Variants in LIPI observed in about 807,000 individuals in gnomAD.
LIPI encodes the protein lipase member I.
In LIPI, 59 loss-of-function variants were observed where a neutral mutation model predicts 50.6. That is an observed-to-expected ratio of 1.16 (90% CI 0.94 to 1.45). The LOEUF is 1.45. Ranked by LOEUF, LIPI falls within the 40% of genes most tolerant of loss-of-function variation. The probability of loss-of-function intolerance (pLI) is 0.00; values close to 1 mark genes in which losing one functional copy is unlikely to be tolerated. For synonymous variants in LIPI, 203 were observed against 178.2 expected, an observed-to-expected ratio of 1.14 and a Z score of -1.11; for missense variants, 586 against 536.3, an observed-to-expected ratio of 1.09 and a Z score of -0.92.
chr21:14,153,858 G>A (rs1053265783), intron 7 of LIPI, among the ~76,000 whole-genome samples: 1 of 151,984 alleles, frequency 6.6e-6, no homozygotes. Flanking sequence ...TGGGTCTTAC[G>A]TGAAAACATA....
chr21:14,148,412 T>G (rs1228933019), intron 8 of LIPI, among the ~76,000 whole-genome samples: 1 of 152,172 alleles, frequency 6.6e-6, no homozygotes, highest in Non-Finnish European at 1.5e-5. Flanking sequence ...AAAACATAAT[T>G]AAATGTATAC....
At chr21:14,192,723 A>C (rs1198057107) in intron 1 of LIPI, among the ~76,000 whole-genome samples, 2 of 152,196 alleles carry the variant, frequency 1.3e-5, no homozygotes, top group African/African-American at 4.8e-5. Context: ...TGAAAGAAAA[A>C]CTATCAACCT....
At chr21:14,180,291 T>G (rs2019228713) in intron 4 of LIPI, among the ~76,000 whole-genome samples, 1 of 152,174 alleles carries the variant, frequency 6.6e-6, no homozygotes, top group African/African-American at 2.4e-5. Flanking sequence ...TATTTCTGCT[T>G]TTTGCCCTTT....
At chr21:14,191,702 A>G (rs1373813861) in intron 1 of LIPI, among the ~76,000 whole-genome samples, 4 of 152,148 alleles carry the variant, frequency 2.6e-5, no homozygotes, top group East Asian at 3.9e-4. Context: ...TAGTTACATC[A>G]TAAGTGGGGT....
intron 9 of LIPI, among the ~76,000 whole-genome samples, chr21:14,136,430 A>T (rs968576666): frequency 2.6e-5 from 4 of 152,180 alleles, no homozygotes; most frequent in African/African-American, 9.7e-5. Flanking sequence ...GTAGTCTGGC[A>T]GTACTTCTTC....
chr21:14,170,446 A>G (rs998550013), intron 4 of LIPI, among the ~76,000 whole-genome samples: 7 of 152,194 alleles, frequency 4.6e-5, no homozygotes, highest in Non-Finnish European at 7.3e-5. Flanking sequence ...CTTGATGAAC[A>G]TTGATGCAAA....
chr21:14,127,545 GTTTTC>G (rs2017114348), intron 9 of LIPI, among the ~76,000 whole-genome samples: 1 of 152,056 alleles, frequency 6.6e-6, no homozygotes, highest in Admixed American at 6.5e-5. Context: ...TACTTGTTCT[GTTTTC>G]TTTTGCTCTG....
At chr21:14,152,751 G>T (rs1379490868) in intron 7 of LIPI, 67 bp from the exon 8 acceptor site, 21 of 730,766 alleles carry the variant, frequency 2.9e-5, no homozygotes, top group Non-Finnish European at 4.4e-5. Context: ...TACATATTCA[G>T]ATATATATAT....
chr21:14,196,215 T>A (rs933473787), intron 1 of LIPI, among the ~76,000 whole-genome samples: 85 of 149,448 alleles, frequency 5.7e-4, no homozygotes, highest in African/African-American at 2.1e-3. Context: ...GTCTGTGTAA[T>A]TTAATACTAC....
At chr21:14,210,497 T>C (rs1157843626) in intron 1 of LIPI, among the ~76,000 whole-genome samples, 1 of 150,044 alleles carries the variant, frequency 6.7e-6, no homozygotes, top group Non-Finnish European at 1.5e-5. Context: ...ATTACTGAAT[T>C]TTTTTCTCTT....
At chr21:14,168,458 C>T (rs1388430375) in intron 4 of LIPI, among the ~76,000 whole-genome samples, 1 of 152,116 alleles carries the variant, frequency 6.6e-6, no homozygotes, top group East Asian at 1.9e-4. Context: ...TAAGGGCAGC[C>T]AGAGAGAAAG....
At chr21:14,178,975 C>A (rs1440366711) in intron 4 of LIPI, among the ~76,000 whole-genome samples, 2 of 152,096 alleles carry the variant, frequency 1.3e-5, no homozygotes. Flanking sequence ...TAACGAGAAG[C>A]TTTCTGCAGA....
intron 9 of LIPI, among the ~76,000 whole-genome samples, chr21:14,116,910 G>A (rs2016667059): frequency 6.6e-6 from 1 of 152,178 alleles, no homozygotes; most frequent in Non-Finnish European, 1.5e-5. Flanking sequence ...AGAGGAGCTA[G>A]AGACTCCATC....
intron 6 of LIPI, among the ~76,000 whole-genome samples, chr21:14,164,249 A>AACTTATGCCTTTATGTGATTTAT (rs2018595455): frequency 6.6e-6 from 1 of 152,072 alleles, no homozygotes; most frequent in Admixed American, 6.6e-5. Context: ...CTCAAGTTCT[A>AACTTATGCCTTTATGTGATTTAT]ACTTATGCCT....
At chr21:14,131,007 G>A (rs2017271735) in intron 9 of LIPI, among the ~76,000 whole-genome samples, 1 of 152,176 alleles carries the variant, frequency 6.6e-6, no homozygotes, top group African/African-American at 2.4e-5. Context: ...CTGGAGTGCA[G>A]TGGCACGATC....
At chr21:14,157,591 G>C (rs2018317347) in intron 7 of LIPI, among the ~76,000 whole-genome samples, 1 of 151,804 alleles carries the variant, frequency 6.6e-6, no homozygotes, top group Non-Finnish European at 1.5e-5. Context: ...AAAAAGTTTT[G>C]AGGCCTGGAA....
At chr21:14,182,574 C>T (rs2019310699) in intron 3 of LIPI, among the ~76,000 whole-genome samples, 1 of 151,580 alleles carries the variant, frequency 6.6e-6, no homozygotes, top group Non-Finnish European at 1.5e-5. Flanking sequence ...CAATAACAGA[C>T]AAACAGAGAG....
chr21:14,188,949 G>A, intron 2 of LIPI, 85 bp downstream of exon 2: 1 of 1,100,864 alleles, frequency 9.1e-7, no homozygotes, highest in South Asian at 1.3e-5. Flanking sequence ...ATCACTTTGT[G>A]GTATTGAATG....
intron 8 of LIPI, among the ~76,000 whole-genome samples, chr21:14,150,877 A>T (rs2018065893): frequency 6.6e-6 from 1 of 152,178 alleles, no homozygotes; most frequent in Admixed American, 6.5e-5. Context: ...AGGTTAGTTT[A>T]AAAAGGGAAA....
Sources: allele counts gnomAD v4.1 joint callset (sites outside exome capture counted in the v4.1 genomes callset), GRCh38; gene constraint gnomAD v4.1.1; transcripts MANE v1.5; gene names NCBI Gene and HGNC (gene_info 2026-07-23, HGNC 2026-07-21).